Variants in KLHDC4 observed in about 807,000 individuals in gnomAD.
KLHDC4 encodes kelch domain containing 4.
A neutral mutation model predicts 62.4 loss-of-function variants in KLHDC4; 90 were observed. The ratio of observed to expected loss-of-function variants is 1.44; its 90% CI spans 1.22 to 1.72. KLHDC4 has a LOEUF of 1.72. KLHDC4 is among the 40% of genes most tolerant of loss of function. KLHDC4 has a pLI of 0.00. For missense variants in KLHDC4, 1,025 were observed against 699.7 expected (o/e 1.47, Z -5.25); for synonymous variants, 386 against 284.4 (o/e 1.36, Z -3.59).
intron 5 of KLHDC4, among the ~76,000 whole-genome samples, chr16:87,736,166 C>T (rs572151494): frequency 1.3e-4 from 20 of 152,320 alleles, no homozygotes; most frequent in African/African-American, 4.8e-4. Context: ...GCCTGCCACA[C>T]GCCTGCACTG....
intron 9 of KLHDC4, chr16:87,709,930 C>T (rs2035449759): frequency 2.0e-6 from 1 of 509,600 alleles, no homozygotes; most frequent in African/African-American, 1.9e-5. Context: ...AGGGGCCGCT[C>T]CACACCTCCA....
intron 5 of KLHDC4, among the ~76,000 whole-genome samples, chr16:87,735,938 G>C (rs1390444049): frequency 6.6e-6 from 1 of 152,232 alleles, no homozygotes; most frequent in Non-Finnish European, 1.5e-5. Flanking sequence ...TTAGGGTACA[G>C]TCAGAATTAA....
At chr16:87,709,934 A>T in intron 9 of KLHDC4, 1 of 479,392 alleles carries the variant, frequency 2.1e-6, no homozygotes, top group Non-Finnish European at 3.7e-6. Context: ...GCCGCTCCAC[A>T]CCTCCACTGA....
chr16:87,730,657 A>G lies in KLHDC4; in HGVS notation c.507-13T>C, dbSNP rs1211372751. The G allele has an allele frequency of 3.1e-6, 5 of 1,605,658 alleles. No homozygotes were observed. The highest frequency in any genetic ancestry group is 2.2e-5 in the East Asian group (1 of 44,820). On this transcript the variant is annotated splice_polypyrimidine_tract_variant and intron_variant, in intron 5 of 11. Transcript: ENST00000270583. Reference sequence around the variant, plus strand: ...ACCGCCTGTTGATCTAAAATGAAATAAACAAAAAGACACTATCAACCTGCT... The same window carrying G: ...ACCGCCTGTTGATCTAAAATGAAATGAACAAAAAGACACTATCAACCTGCT...
chr16:87,760,650 A>G (rs991634047), intron 2 of KLHDC4, among the ~76,000 whole-genome samples: 4 of 150,912 alleles, frequency 2.7e-5, no homozygotes, highest in African/African-American at 9.7e-5. Context: ...AAATAAAACT[A>G]ATCCCCATTC....
chr16:87,718,504 G>A (rs2142991720), intron 7 of KLHDC4, among the ~76,000 whole-genome samples: 1 of 151,666 alleles, frequency 6.6e-6, no homozygotes, highest in Admixed American at 6.6e-5. Context: ...TGAGTGCCTG[G>A]GATTGCAGGC....
chr16:87,702,481 G>C (rs2034189927), exon 1 of KLHDC4: 1 of 359,474 alleles, frequency 2.8e-6, no homozygotes, highest in African/African-American at 2.1e-5. Flanking sequence ...AGCCACATCA[G>C]AGCACACTTC....
intron 7 of KLHDC4, among the ~76,000 whole-genome samples, chr16:87,715,240 T>A (rs928678774): frequency 1.3e-5 from 2 of 151,324 alleles, no homozygotes; most frequent in Non-Finnish European, 2.9e-5. Context: ...CTCATCTTTG[T>A]ATTTGTTTGC....
chr16:87,721,399 G>A (rs1033019277), intron 7 of KLHDC4, among the ~76,000 whole-genome samples: 19 of 142,174 alleles, frequency 1.3e-4, no homozygotes, highest in African/African-American at 5.0e-4. Context: ...GGGGGATAGA[G>A]CGAGACTCTG....
At chr16:87,714,290 G>A in intron 8 of KLHDC4, 1 of 713,924 alleles carries the variant, frequency 1.4e-6, no homozygotes, top group Non-Finnish European at 1.7e-6. Flanking sequence ...CATCATCAAT[G>A]CCCCCAAAGG....
At chr16:87,719,954 A>G (rs905265442) in intron 7 of KLHDC4, among the ~76,000 whole-genome samples, 9 of 152,146 alleles carry the variant, frequency 5.9e-5, no homozygotes, top group African/African-American at 2.2e-4. Context: ...CTCCCGCACA[A>G]TGTAGTACAG....
intron 5 of KLHDC4, among the ~76,000 whole-genome samples, chr16:87,736,667 G>C (rs1052553332): frequency 3.9e-5 from 6 of 152,192 alleles, no homozygotes; most frequent in Non-Finnish European, 5.9e-5. Flanking sequence ...GCCGTCTCCA[G>C]AATTCAGGCA....
intron 6 of KLHDC4, among the ~76,000 whole-genome samples, chr16:87,728,846 C>T (rs1244676972): frequency 6.6e-6 from 1 of 152,134 alleles, no homozygotes; most frequent in Non-Finnish European, 1.5e-5. Context: ...GGGCATGCGG[C>T]TCACTTCAAC....
At chr16:87,717,704 T>G (rs8059567) in intron 7 of KLHDC4, among the ~76,000 whole-genome samples, 8,789 of 149,154 alleles carry the variant, frequency 0.059, 332 homozygotes, top group South Asian at 0.16. Context: ...AGCATTATTG[T>G]GAACTGAATT....
intron 4 of KLHDC4, among the ~76,000 whole-genome samples, chr16:87,753,015 GC>G (rs1409712865): frequency 6.6e-6 from 1 of 152,210 alleles, no homozygotes; most frequent in African/African-American, 2.4e-5. Flanking sequence ...CATGACTCCA[GC>G]CCCTGCAGGC....
In KLHDC4 at chr16:87,709,680, C is replaced by G. The variant is rs370541267; in HGVS notation, c.1045-13G>C. ...CAGACTTGGGTCCCTATTAATAGAC[C>G]GAGGAAGCAGAGAGCAGCAGCTTCA... is the stretch of plus-strand genomic sequence containing the variant. On this transcript the variant is annotated splice_polypyrimidine_tract_variant and intron_variant, in intron 9 of 11. Transcript: ENST00000270583. The G allele has an allele frequency of 1.1e-5, 18 of 1,569,804 alleles. No individual in the cohort carries two copies. In the African/African-American group the frequency reaches 2.2e-4, roughly 19 times the overall value.
Position 87,730,580 on chromosome 16 carries a change from G to T in KLHDC4, c.571C>A (p.Leu191Met). The change falls in exon 6 of 12, where the codon CTG becomes ATG. Residue 191 changes from leucine to methionine, a missense_variant. Coordinates refer to ENST00000270583, the MANE Select transcript of KLHDC4 (RefSeq NM_017566.4). ...RMVAWKRQLI[L>M]FGGFHESTRD... is the part of the protein sequence containing the mutation. ...GTACTTTCATGGAAGCCACCAAACAGGATCAATTGTCTCTTCCAGGCCACC... is the reference window on the plus strand; with the variant it reads ...GTACTTTCATGGAAGCCACCAAACATGATCAATTGTCTCTTCCAGGCCACC... 2 of 1,613,006 alleles carry T rather than the reference G, an allele frequency of 1.2e-6. No individual in the cohort carries two copies. Among genetic ancestry groups the T allele is most frequent in the Non-Finnish European group, 1.7e-6 (2 of 1,179,790 alleles).
At chr16:87,761,229 G>A (rs1300005320) in intron 2 of KLHDC4, among the ~76,000 whole-genome samples, 1 of 152,148 alleles carries the variant, frequency 6.6e-6, no homozygotes, top group Non-Finnish European at 1.5e-5. Context: ...TCCCACCTCT[G>A]GGCAGGTGAT....
rs749260723 is a variant in KLHDC4 at position 87,755,217 on chromosome 16, G to C, written c.346C>G (p.Pro116Ala). 6.2e-7 allele frequency: 1 copy of C among 1,610,838 alleles called. No individual in the cohort carries two copies. The highest frequency in any genetic ancestry group is 8.5e-7 in the Non-Finnish European group (1 of 1,177,102). Residue 116 changes from proline (P) to alanine (A), a missense_variant, in exon 4 of 12, where the codon CCT becomes GCT. Physicochemically the swap from Pro to Ala is conservative, Grantham distance 27. Coordinates refer to ENST00000270583, the MANE Select transcript of KLHDC4 (RefSeq NM_017566.4). ...ACCTGGTGAGCACAGCGCCTCGGAG[G>C]TGGACTGGGGATGTCAACTTTGGTC... Reference protein sequence around the residue: ...TWTKVDIPSPPPRRCAHQAVV... With the variant: ...TWTKVDIPSPAPRRCAHQAVV...
Sources: allele counts gnomAD v4.1 joint callset (sites outside exome capture counted in the v4.1 genomes callset), GRCh38; gene constraint gnomAD v4.1.1; transcripts MANE v1.5; gene names NCBI Gene and HGNC (gene_info 2026-07-23, HGNC 2026-07-21).